The following SLC22A23 variants were observed in gnomAD, a reference collection of about 807,000 sequenced individuals.
SLC22A23 encodes the protein ion transporter protein.
In SLC22A23, 26 loss-of-function variants were observed where a neutral mutation model predicts 61.0. The observed-to-expected ratio is 0.43, with a 90% confidence interval of 0.31 to 0.59. The LOEUF is 0.59. Among genes scored for constraint, SLC22A23 ranks in the 20% least tolerant of loss-of-function variants. The pLI is 0.11. For missense variants in SLC22A23, 796 were observed against 934.7 expected, an observed-to-expected ratio of 0.85 and a Z score of 1.94; for synonymous variants, 430 against 413.9, an observed-to-expected ratio of 1.04 and a Z score of -0.47.
chr6:3,318,854 C>G lies in SLC22A23; in HGVS notation c.1082+4980G>C, dbSNP rs908256858. On this transcript the variant is annotated intron_variant, in intron 4 of 9. Transcript: ENST00000406686. The surrounding 1 kb of genome is among the most constrained non-coding windows in gnomAD (Gnocchi z 4.3). ...GCTCTGGCCTCCCCATCTCAGGAAA[C>G]AGACCCAGCTGCCATCACTGCCTCC... is the stretch of plus-strand genomic sequence containing the variant. Among the ~76,000 whole-genome samples, 2 of 152,170 alleles carry G rather than the reference C, an allele frequency of 1.3e-5. No homozygotes were observed. The highest frequency in any genetic ancestry group is 2.9e-5 in the Non-Finnish European group (2 of 68,026).
At chr6:3,274,720 A>C (rs1305474482) in intron 9 of SLC22A23, among the ~76,000 whole-genome samples, 2 of 152,248 alleles carry the variant, frequency 1.3e-5, no homozygotes, top group Non-Finnish European at 2.9e-5. Context: ...AGCAACACCC[A>C]AAAATGAAAA....
intron 3 of SLC22A23, among the ~76,000 whole-genome samples, chr6:3,332,525 AAGAG>A (rs1187824419): frequency 6.6e-6 from 1 of 152,228 alleles, no homozygotes; most frequent in Non-Finnish European, 1.5e-5. Context: ...ATTCACAAAG[AAGAG>A]AGAATCATGT....
At position 3,362,404 on chromosome 6, in the gene SLC22A23, C is replaced by CAAAA. The variant is rs1156353716; in HGVS notation, c.914-38406_914-38403dup. Among the ~76,000 whole-genome samples, 83 of 53,188 alleles carry CAAAA rather than the reference C, an allele frequency of 1.6e-3. 9 individuals carry two copies. The highest frequency in any genetic ancestry group is 2.2e-3 in the African/African-American group (36 of 16,292). 34.9% of individuals were successfully genotyped at this position (53,188 alleles called of 152,430 possible). ...GGCGACAGAGCGAGATTCCGTCTCA[C>CAAAA]AAAAAAAAAAAATAAAATAAAAAAT... is the stretch of plus-strand genomic sequence containing the variant. On this transcript the variant is annotated intron_variant, in intron 3 of 9. Transcript: ENST00000406686.
chr6:3,428,553 A>C (rs1356685345), intron 1 of SLC22A23, among the ~76,000 whole-genome samples: 1 of 152,196 alleles, frequency 6.6e-6, no homozygotes, highest in East Asian at 1.9e-4. Flanking sequence ...TCCATTCACT[A>C]CTGATGCAGC....
intron 3 of SLC22A23, among the ~76,000 whole-genome samples, chr6:3,370,763 C>T (rs1766167604): frequency 6.6e-6 from 1 of 152,254 alleles, no homozygotes; most frequent in Non-Finnish European, 1.5e-5. Flanking sequence ...TGATTGATCT[C>T]TTAAAACCAA....
intron 3 of SLC22A23, among the ~76,000 whole-genome samples, chr6:3,371,994 A>G (rs1034490668): frequency 1.3e-5 from 2 of 152,216 alleles, no homozygotes; most frequent in Non-Finnish European, 2.9e-5. Context: ...ACAATATGGT[A>G]TCTTCTTTAA....
In SLC22A23 at chr6:3,308,664, G is replaced by C. The variant is rs1215915692; in HGVS notation, c.1083-10446C>G. Reference sequence around the variant, plus strand: ...AACCTAACATAAAACCACAGCATGGGCCGGGTGTGGTGGCTCACACCTGTA... The same window carrying C: ...AACCTAACATAAAACCACAGCATGGCCCGGGTGTGGTGGCTCACACCTGTA... On this transcript the variant is annotated intron_variant, in intron 4 of 9. Transcript: ENST00000406686. This position sits in a 1 kb window ranked among gnomAD's most constrained non-coding sequence, Gnocchi z 5.1. 6.6e-6 allele frequency among the ~76,000 whole-genome samples: 1 copy of C among 152,180 alleles called. No homozygotes were observed. Among genetic ancestry groups the C allele is most frequent in the Non-Finnish European group, 1.5e-5 (1 of 68,036 alleles).
Position 3,429,323 on chromosome 6 carries a change from A to T in SLC22A23, c.655-13468T>A, listed in dbSNP as rs543968396. On this transcript the variant is annotated intron_variant, in intron 1 of 9. Transcript: ENST00000406686. Reference sequence around the variant, plus strand: ...CAAGAGTTTATAACTGCTAATTGGTAAGATATGGACAAACATTGAAAACTC... The same window carrying T: ...CAAGAGTTTATAACTGCTAATTGGTTAGATATGGACAAACATTGAAAACTC... Among the ~76,000 whole-genome samples the T allele has an allele frequency of 4.8e-4, 73 of 152,346 alleles. 1 individual carries two copies. Among genetic ancestry groups the T allele is most frequent in the South Asian group, 1.9e-3 (9 of 4,828 alleles).
intron 3 of SLC22A23, among the ~76,000 whole-genome samples, chr6:3,384,893 G>A (rs1422008412): frequency 1.3e-5 from 2 of 152,154 alleles, no homozygotes; most frequent in Non-Finnish European, 2.9e-5. Context: ...GATATAATAC[G>A]ATCCCGCCTT....
intron 5 of SLC22A23, among the ~76,000 whole-genome samples, chr6:3,294,320 T>C (rs1196519061): frequency 1.3e-5 from 2 of 152,230 alleles, no homozygotes; most frequent in Non-Finnish European, 2.9e-5. Context: ...CATTTGAGAT[T>C]CTACAAAATC....
In SLC22A23 at chr6:3,329,623, C is replaced by T. The variant is rs1044664961; in HGVS notation, c.914-5621G>A. 3.9e-5 allele frequency among the ~76,000 whole-genome samples: 6 copies of T among 152,184 alleles called. No individual in the cohort carries two copies. Among genetic ancestry groups the T allele is most frequent in the Non-Finnish European group, 7.3e-5 (5 of 68,036 alleles). Reference sequence around the variant, plus strand: ...GCCTCTGCTGGGCGGTGTGAAGTTACTCAGCCGCTCTGAGCCTGTGTCCTT... The same window carrying T: ...GCCTCTGCTGGGCGGTGTGAAGTTATTCAGCCGCTCTGAGCCTGTGTCCTT... On this transcript the variant is annotated intron_variant, in intron 3 of 9. Coordinates refer to ENST00000406686, the MANE Select transcript of SLC22A23 (RefSeq NM_015482.2). The surrounding 1 kb of genome is among the most constrained non-coding windows in gnomAD (Gnocchi z 4.8).
In SLC22A23 at chr6:3,285,499, C is replaced by T. The variant is rs923428534; in HGVS notation, c.1547-388G>A. Among the ~76,000 whole-genome samples, 21 of 152,340 alleles carry T rather than the reference C, an allele frequency of 1.4e-4. 1 individual carries two copies. The East Asian group carries it at 1.7e-3, about 13-fold the overall frequency. On this transcript the variant is annotated intron_variant, in intron 7 of 9. Transcript: ENST00000406686. The stretch of plus-strand genomic sequence containing the variant: ...CTGCCAGCCCCAGCTCTGCTCCTCA[C>T]GGCTGCTTGGTGTTCGCCTGGGGCT...
In SLC22A23 at chr6:3,339,424, A is replaced by C. The variant is rs188163376; in HGVS notation, c.914-15422T>G. Among the ~76,000 whole-genome samples, 45 of 152,226 alleles carry C rather than the reference A, an allele frequency of 3.0e-4. No individual in the cohort carries two copies. The East Asian group carries it at 8.7e-3, about 29-fold the overall frequency. ...TGACAGCCTCCACTTTCCAATTCAT[A>C]ATGTCAGAGGCATGTGAGCCAGAAC... On this transcript the variant is annotated intron_variant, in intron 3 of 9. Coordinates refer to ENST00000406686, the MANE Select transcript of SLC22A23 (RefSeq NM_015482.2).
chr6:3,345,525 C>G (rs1277580724), intron 3 of SLC22A23, among the ~76,000 whole-genome samples: 1 of 152,010 alleles, frequency 6.6e-6, no homozygotes, highest in Admixed American at 6.6e-5. Flanking sequence ...ACCAACACAC[C>G]TGGCTAATTT....
chr6:3,284,773 C>T (rs2127313073), intron 8 of SLC22A23, among the ~76,000 whole-genome samples: 1 of 152,376 alleles, frequency 6.6e-6, no homozygotes, highest in Middle Eastern at 3.4e-3. Flanking sequence ...GACAACTGTC[C>T]CTAAGACAAA....
intron 1 of SLC22A23, among the ~76,000 whole-genome samples, chr6:3,453,798 G>A (rs11242859): frequency 0.44 from 66,538 of 152,014 alleles, 14,866 homozygotes; most frequent in South Asian, 0.63. Context: ...TCCACTGAAA[G>A]AAGGCAAAGG....
At chr6:3,294,254 T>C (rs1760878009) in intron 5 of SLC22A23, among the ~76,000 whole-genome samples, 1 of 152,090 alleles carries the variant, frequency 6.6e-6, no homozygotes, top group African/African-American at 2.4e-5. Flanking sequence ...AGTGACTTTT[T>C]GCTTATCTTA....
At chr6:3,398,389 C>T (rs3813477) in intron 3 of SLC22A23, among the ~76,000 whole-genome samples, 47,622 of 150,726 alleles carry the variant, frequency 0.32, 8,456 homozygotes, top group East Asian at 0.53. Flanking sequence ...TTAGAAAGGA[C>T]GCAAGCACCT....
chr6:3,379,960 T>C (rs535557383), intron 3 of SLC22A23, among the ~76,000 whole-genome samples: 4 of 149,144 alleles, frequency 2.7e-5, no homozygotes, highest in South Asian at 2.1e-4. Flanking sequence ...TGTGGATGCG[T>C]GTGTGTGTGT....
Sources: gnomAD v4.1 joint callset for allele counts (sites outside exome capture counted in the v4.1 genomes callset) on GRCh38, gnomAD v4.1.1 for gene constraint, Gnocchi (gnomAD v3.1) non-coding constraint, MANE v1.5 for transcripts, NCBI Gene and HGNC (gene_info 2026-07-23, HGNC 2026-07-21) for gene names.